The following TAFA5 variants were observed in gnomAD, a reference collection of about 807,000 sequenced individuals.
TAFA5 encodes the protein TAFA chemokine like family member 5, also known as chemokine-like protein TAFA-5.
In TAFA5, 6 loss-of-function variants were observed where a neutral mutation model predicts 15.3. That is an observed-to-expected ratio of 0.39 (90% CI 0.21 to 0.77). The LOEUF is 0.77. TAFA5 is among the 30% of genes least tolerant of loss of function. The pLI is 0.41. For missense variants in TAFA5, 161 were observed against 193.1 expected (o/e 0.83, Z 0.98); for synonymous variants, 103 against 80.7 (o/e 1.28, Z -1.48).
At chr22:48,612,391 A>G (rs1408666042) in intron 1 of TAFA5, among the ~76,000 whole-genome samples, 1 of 152,136 alleles carries the variant, frequency 6.6e-6, no homozygotes, top group Non-Finnish European at 1.5e-5. Context: ...CAAAGGGGTT[A>G]AATGGCCCGT....
intron 1 of TAFA5, among the ~76,000 whole-genome samples, chr22:48,592,150 T>C (rs1294097564): frequency 2.6e-5 from 4 of 152,206 alleles, no homozygotes; most frequent in Non-Finnish European, 5.9e-5. Context: ...GTTGCTGTTG[T>C]GGTCAGTGAC....
intron 1 of TAFA5, among the ~76,000 whole-genome samples, chr22:48,623,728 C>G (rs1925933862): frequency 6.6e-6 from 1 of 152,254 alleles, no homozygotes; most frequent in South Asian, 2.1e-4. Flanking sequence ...CTCTGCTGGG[C>G]TCCTCACGGT....
intron 1 of TAFA5, among the ~76,000 whole-genome samples, chr22:48,556,892 C>T (rs113165981): frequency 0.012 from 1,822 of 152,324 alleles, 52 homozygotes; most frequent in African/African-American, 0.041. Context: ...GGCACCCTGC[C>T]GTCCACAGTG....
intron 1 of TAFA5, among the ~76,000 whole-genome samples, chr22:48,506,384 G>T (rs1352008565): frequency 6.6e-6 from 1 of 152,234 alleles, no homozygotes; most frequent in Non-Finnish European, 1.5e-5. Flanking sequence ...CCTTTCCGAA[G>T]GGCCCAGCTT....
chr22:48,631,914 A>G (rs1926243652), intron 1 of TAFA5, among the ~76,000 whole-genome samples: 1 of 152,184 alleles, frequency 6.6e-6, no homozygotes, highest in East Asian at 1.9e-4. Context: ...CCTGAGCCCC[A>G]GCCCCTGTAA....
chr22:48,522,389 C>T (rs1034064013), intron 1 of TAFA5, among the ~76,000 whole-genome samples: 6 of 152,006 alleles, frequency 3.9e-5, no homozygotes, highest in African/African-American at 4.8e-5. Flanking sequence ...GGTCCGGAGG[C>T]GGCCACCTCC....
chr22:48,583,175 C>T (rs1361410592), intron 1 of TAFA5, among the ~76,000 whole-genome samples: 3 of 147,450 alleles, frequency 2.0e-5, no homozygotes, highest in African/African-American at 7.6e-5. Context: ...ACACACCACA[C>T]ACACAGTGCA....
intron 2 of TAFA5, among the ~76,000 whole-genome samples, chr22:48,699,541 T>G (rs575860825): frequency 8.5e-5 from 13 of 152,322 alleles, no homozygotes; most frequent in African/African-American, 1.7e-4. Flanking sequence ...TTCCGTTCAG[T>G]GAGCTCTGCT....
At chr22:48,526,568 G>A (rs1483440526) in intron 1 of TAFA5, among the ~76,000 whole-genome samples, 1 of 152,342 alleles carries the variant, frequency 6.6e-6, no homozygotes, top group East Asian at 1.9e-4. Context: ...GACCATACAG[G>A]GCGGCTGCTG....
rs201775605 is a variant in TAFA5, at chr22:48,747,351, G to A, written c.391-2488G>A. Among the ~76,000 whole-genome samples the A allele has an allele frequency of 3.1e-4, 47 of 152,192 alleles. 1 individual carries two copies. Among genetic ancestry groups the A allele is most frequent in the East Asian group, 1.9e-4 (1 of 5,200 alleles). On this transcript the variant is annotated intron_variant, in intron 3 of 3. Coordinates refer to ENST00000402357, the MANE Select transcript of TAFA5 (RefSeq NM_001082967.3). ...GACCTGGCCTTGGGGTGCAGGAAGC[G>A]TTGGGGCCTTGGTTGTGACCTGGCT...
intron 2 of TAFA5, among the ~76,000 whole-genome samples, chr22:48,675,337 C>G (rs1317507186): frequency 6.6e-6 from 1 of 152,226 alleles, no homozygotes; most frequent in African/African-American, 2.4e-5. Context: ...GCGGGGCCCC[C>G]GTCCAAAACT....
chr22:48,691,137 C>A (rs2147238083), intron 2 of TAFA5, among the ~76,000 whole-genome samples: 1 of 152,290 alleles, frequency 6.6e-6, no homozygotes, highest in East Asian at 1.9e-4. Context: ...CCCAGGCAAG[C>A]CTCAGGGCGG....
chr22:48,528,165 T>C (rs1921846167), intron 1 of TAFA5, among the ~76,000 whole-genome samples: 2 of 152,190 alleles, frequency 1.3e-5, no homozygotes, highest in African/African-American at 4.8e-5. Context: ...TTAAGGACGC[T>C]GAAGTTCGGA....
chr22:48,608,856 A>G (rs924410699), intron 1 of TAFA5, among the ~76,000 whole-genome samples: 1 of 152,236 alleles, frequency 6.6e-6, no homozygotes, highest in Non-Finnish European at 1.5e-5. Flanking sequence ...GCCCCATGGC[A>G]AAGCTTTCTC....
chr22:48,682,678 T>C (rs550110420), intron 2 of TAFA5, among the ~76,000 whole-genome samples: 3 of 152,264 alleles, frequency 2.0e-5, no homozygotes, highest in Non-Finnish European at 4.4e-5. Flanking sequence ...ATTGTCGCTG[T>C]ATTGACAAAA....
chr22:48,521,598 G>A (rs73888427), intron 1 of TAFA5, among the ~76,000 whole-genome samples: 3,112 of 152,222 alleles, frequency 0.02, 130 homozygotes, highest in African/African-American at 0.071. Context: ...TCGTGCCTGC[G>A]ATGAATGGTG....
chr22:48,494,974 C>G (rs1340019432), intron 1 of TAFA5, among the ~76,000 whole-genome samples: 1 of 152,262 alleles, frequency 6.6e-6, no homozygotes, highest in Admixed American at 6.5e-5. Context: ...CGGGACTCCT[C>G]TGGAATCCCC....
intron 3 of TAFA5, among the ~76,000 whole-genome samples, chr22:48,747,322 C>T (rs369148365): frequency 1.9e-4 from 29 of 152,318 alleles, no homozygotes; most frequent in East Asian, 3.9e-4. Flanking sequence ...CAGCCCTTCT[C>T]GTGGACCTGG....
chr22:48,585,516 G>C (rs1924317746), intron 1 of TAFA5, among the ~76,000 whole-genome samples: 1 of 145,770 alleles, frequency 6.9e-6, no homozygotes, highest in Non-Finnish European at 1.5e-5. Flanking sequence ...ATACAAACTA[G>C]ATACCACACA....
Sources: gnomAD v4.1 joint callset for allele counts (sites outside exome capture counted in the v4.1 genomes callset) on GRCh38, gnomAD v4.1.1 for gene constraint, MANE v1.5 for transcripts, NCBI Gene and HGNC (gene_info 2026-07-23, HGNC 2026-07-21) for gene names.